Variants in OXR1 observed in about 807,000 individuals in gnomAD.
OXR1 encodes oxidation resistance protein 1.
OXR1 carries 41 observed loss-of-function variants against 104.6 expected under a neutral mutation model. That is an observed-to-expected ratio of 0.39 (90% CI 0.31 to 0.51). The LOEUF (loss-of-function observed/expected upper bound fraction) is 0.51. OXR1 is among the 20% of genes least tolerant of loss of function. The pLI is 0.77. For missense variants in OXR1, 955 were observed against 1,031.9 expected, an observed-to-expected ratio of 0.93 and a Z score of 1.02; for synonymous variants, 348 against 348.4, an observed-to-expected ratio of 1.00 and a Z score of 0.01.
chr8:106,457,670 T>C (rs1219816348), intron 2 of OXR1, among the ~76,000 whole-genome samples: 2 of 152,150 alleles, frequency 1.3e-5, no homozygotes, highest in Non-Finnish European at 2.9e-5. Flanking sequence ...TAAATCTTCT[T>C]AGGGATTATT....
chr8:106,664,701 C>T (rs1826100587), intron 3 of OXR1, among the ~76,000 whole-genome samples: 1 of 152,126 alleles, frequency 6.6e-6, no homozygotes, highest in African/African-American at 2.4e-5. Context: ...TTAGAAACCA[C>T]TGGAATGTTT....
At chr8:106,530,838 A>G (rs1421056589) in intron 3 of OXR1, among the ~76,000 whole-genome samples, 2 of 152,190 alleles carry the variant, frequency 1.3e-5, no homozygotes, top group African/African-American at 4.8e-5. Context: ...ATATGAAAAA[A>G]AAATCTATGT....
intron 3 of OXR1, among the ~76,000 whole-genome samples, chr8:106,578,430 T>C (rs1818005023): frequency 6.6e-6 from 1 of 152,242 alleles, no homozygotes; most frequent in Admixed American, 6.5e-5. Flanking sequence ...CCAGTTAATA[T>C]TCCTGTGTAT....
chr8:106,564,178 A>G (rs1816899523), intron 3 of OXR1, among the ~76,000 whole-genome samples: 1 of 152,322 alleles, frequency 6.6e-6, no homozygotes, highest in East Asian at 1.9e-4. Flanking sequence ...CCTTCAAAAA[A>G]TCAATGAATC....
intron 3 of OXR1, among the ~76,000 whole-genome samples, chr8:106,560,463 G>A (rs367716147): frequency 5.3e-5 from 8 of 152,220 alleles, no homozygotes; most frequent in South Asian, 2.1e-4. Context: ...AGGATTGCTC[G>A]AAGCAGACAT....
At chr8:106,589,587 G>A (rs940267071) in intron 3 of OXR1, among the ~76,000 whole-genome samples, 1 of 152,120 alleles carries the variant, frequency 6.6e-6, no homozygotes, top group African/African-American at 2.4e-5. Flanking sequence ...TTCAGACGAC[G>A]CAGCACCCAA....
chr8:106,568,636 T>A (rs978279612), intron 3 of OXR1, among the ~76,000 whole-genome samples: 1 of 152,158 alleles, frequency 6.6e-6, no homozygotes, highest in African/African-American at 2.4e-5. Flanking sequence ...AGTTTGCTTT[T>A]GTAAATGAAA....
intron 2 of OXR1, among the ~76,000 whole-genome samples, chr8:106,493,690 G>A (rs2129882543): frequency 6.6e-6 from 1 of 152,292 alleles, no homozygotes; most frequent in East Asian, 1.9e-4. Context: ...CCATGCTTAT[G>A]TCTTCTGGGG....
chr8:106,407,635 T>G (rs1818291957), intron 2 of OXR1, among the ~76,000 whole-genome samples: 1 of 152,154 alleles, frequency 6.6e-6, no homozygotes, highest in South Asian at 2.1e-4. Context: ...AGTACTGTTA[T>G]TTATTACTTG....
intron 3 of OXR1, among the ~76,000 whole-genome samples, chr8:106,527,019 C>T (rs1813738293): frequency 6.6e-6 from 1 of 152,192 alleles, no homozygotes; most frequent in Non-Finnish European, 1.5e-5. Context: ...TGGTGAGGAA[C>T]TTGGCCTTGA....
intron 3 of OXR1, among the ~76,000 whole-genome samples, chr8:106,523,221 A>G (rs533181687): frequency 1.4e-4 from 22 of 152,280 alleles, no homozygotes; most frequent in African/African-American, 5.3e-4. Context: ...CCAACCAAGA[A>G]TACTCTCTGC....
chr8:106,337,257 G>A (rs368110277), intron 1 of OXR1, among the ~76,000 whole-genome samples: 5 of 152,240 alleles, frequency 3.3e-5, no homozygotes, highest in African/African-American at 1.2e-4. Context: ...GGCCTAGATA[G>A]GTACTGCAGA....
chr8:106,502,869 T>G (rs1811902501), intron 2 of OXR1, among the ~76,000 whole-genome samples: 1 of 152,180 alleles, frequency 6.6e-6, no homozygotes. Flanking sequence ...CACAAATAAC[T>G]AAACTCAGTT....
chr8:106,305,581 T>A (rs972934775), intron 1 of OXR1, among the ~76,000 whole-genome samples: 3 of 152,158 alleles, frequency 2.0e-5, no homozygotes, highest in Non-Finnish European at 4.4e-5. Context: ...TTTAGCTGTG[T>A]GGATGGATGA....
chr8:106,453,299 T>G (rs1820425867), intron 2 of OXR1, among the ~76,000 whole-genome samples: 1 of 152,202 alleles, frequency 6.6e-6, no homozygotes. Flanking sequence ...CATGGTGCCT[T>G]GCCCTAAGTG....
intron 1 of OXR1, among the ~76,000 whole-genome samples, chr8:106,296,242 C>T (rs1812989565): frequency 6.6e-6 from 1 of 152,182 alleles, no homozygotes; most frequent in Non-Finnish European, 1.5e-5. Context: ...GTTCTATCAA[C>T]TTTCGCTTAG....
rs776665603 is a variant in OXR1, at chr8:106,706,886, G to A, written c.1365G>A (p.Glu455=). The change falls in exon 9 of 17, where the codon GAG becomes GAA. Residue 455 remains glutamate, a synonymous_variant. Coordinates refer to ENST00000517566, the MANE Select transcript of OXR1 (RefSeq NM_001198533.2). ...CAGACCAGGATTCTTTTCTTCATGA[G>A]AATTCGTTACACCAAGAAGAGAGTC... ...GNSDQDSFLH[E]NSLHQEESQK... 9 of 1,611,640 alleles carry A rather than the reference G, an allele frequency of 5.6e-6. No individual in the cohort carries two copies. Among genetic ancestry groups the A allele is most frequent in the Non-Finnish European group, 7.6e-6 (9 of 1,179,570 alleles).
intron 3 of OXR1, among the ~76,000 whole-genome samples, chr8:106,637,438 G>A (rs1488660732): frequency 1.3e-5 from 2 of 152,118 alleles, no homozygotes; most frequent in Non-Finnish European, 2.9e-5. Flanking sequence ...ATGAACACGT[G>A]TTAAATATTT....
chr8:106,504,701 T>C, intron 2 of OXR1, among the ~76,000 whole-genome samples: 1 of 152,230 alleles, frequency 6.6e-6, no homozygotes, highest in South Asian at 2.1e-4. Context: ...TTTGTTATCA[T>C]CAGATTTTAT....
Sources: gnomAD v4.1 joint callset for allele counts (sites outside exome capture counted in the v4.1 genomes callset) on GRCh38, gnomAD v4.1.1 for gene constraint, MANE v1.5 for transcripts, NCBI Gene and HGNC (gene_info 2026-07-23, HGNC 2026-07-21) for gene names.